Variants in CHID1 observed in about 807,000 individuals in gnomAD.
CHID1 encodes chitinase domain-containing protein 1.
In CHID1, 44 loss-of-function variants were observed where a neutral mutation model predicts 55.4. The ratio of observed to expected loss-of-function variants is 0.79; its 90% CI spans 0.62 to 1.02. CHID1 has a LOEUF of 1.02. CHID1 is among the 50% of genes least tolerant of loss of function. The pLI is 0.00. For missense variants in CHID1, 491 were observed against 515.3 expected (o/e 0.95, Z 0.46); for synonymous variants, 216 against 212.9 (o/e 1.01, Z -0.13).
chr11:886,462 C>T (rs1016338692), intron 8 of CHID1, among the ~76,000 whole-genome samples: 3 of 152,164 alleles, frequency 2.0e-5, no homozygotes, highest in Non-Finnish European at 2.9e-5. Flanking sequence ...ATTGATGAAT[C>T]GGTCTTGCTG....
chr11:899,425 G>T, intron 6 of CHID1, 24 bp from the exon 7 acceptor site: 1 of 1,579,780 alleles, frequency 6.3e-7, no homozygotes, highest in South Asian at 1.2e-5. Context: ...TCACAGGTGA[G>T]GAGGGCCTGG....
chr11:899,226 A>G, intron 7 of CHID1, 114 bp downstream of exon 7: 1 of 1,007,148 alleles, frequency 9.9e-7, no homozygotes, highest in Non-Finnish European at 1.5e-6. Flanking sequence ...TCCCCACCCC[A>G]GGCACAGGGA....
chr11:898,260 T>G (rs1851525524), intron 7 of CHID1, among the ~76,000 whole-genome samples: 1 of 151,800 alleles, frequency 6.6e-6, no homozygotes, highest in Non-Finnish European at 1.5e-5. Context: ...ACAGCAGCAA[T>G]GGGATGAAAG....
intron 2 of CHID1, 45 bp from the exon 3 acceptor site, chr11:903,156 A>C: frequency 1.3e-6 from 2 of 1,589,498 alleles, no homozygotes; most frequent in Non-Finnish European, 1.7e-6. Context: ...ATCTGTCCAC[A>C]GTGTAGAGCA....
chr11:887,864 T>A (rs941751337), intron 8 of CHID1, among the ~76,000 whole-genome samples: 1 of 152,180 alleles, frequency 6.6e-6, no homozygotes, highest in Admixed American at 6.5e-5. Context: ...CACCAGGCAC[T>A]CCTGGCAGAG....
intron 8 of CHID1, among the ~76,000 whole-genome samples, chr11:892,440 G>A (rs988657450): frequency 2.6e-5 from 4 of 152,210 alleles, no homozygotes; most frequent in Non-Finnish European, 4.4e-5. Flanking sequence ...TGCTGGGTAC[G>A]TGTGCAAGAA....
At chr11:910,962 CGGGGCG>C, upstream of CHID1, 1 of 351,808 alleles carries the variant, frequency 2.8e-6, no homozygotes, top group Non-Finnish European at 4.0e-6. Context: ...GGGCCGGGGC[CGGGGCG>C]GGGCCGCGCC....
At chr11:896,668 C>A (rs1357484486) in intron 7 of CHID1, among the ~76,000 whole-genome samples, 9 of 135,506 alleles carry the variant, frequency 6.6e-5, no homozygotes, top group Non-Finnish European at 1.4e-4. Context: ...GTCTCAGGGC[C>A]CCCAGCCTCC....
In CHID1 at chr11:881,838, C is replaced by CA. The variant is rs1244469409; in HGVS notation, c.959+1309dup. On this transcript the variant is annotated intron_variant, in intron 10 of 12. Coordinates refer to ENST00000323578, the MANE Select transcript of CHID1 (RefSeq NM_023947.4). ...ACAACATGGCAAAACCCTGTCTCTA[C>CA]AAAAAAAATACAAAAATTAGCGGGG... Among the ~76,000 whole-genome samples, 3 of 150,452 alleles carry CA rather than the reference C, an allele frequency of 2.0e-5. No individual in the cohort carries two copies. The East Asian group carries it at 5.9e-4, about 29-fold the overall frequency.
At chr11:895,228 G>C (rs1237052886) in intron 7 of CHID1, among the ~76,000 whole-genome samples, 1 of 152,192 alleles carries the variant, frequency 6.6e-6, no homozygotes, top group African/African-American at 2.4e-5. Flanking sequence ...GCTGTCTGCA[G>C]GTACCCACAG....
At chr11:898,463 T>G (rs28459369) in intron 7 of CHID1, among the ~76,000 whole-genome samples, 151,065 of 152,338 alleles carry the variant, frequency 0.99, 74,917 homozygotes, top group Middle Eastern at 1. Flanking sequence ...GACCGCACCA[T>G]CCTCGCTCGT....
intron 10 of CHID1, among the ~76,000 whole-genome samples, chr11:880,792 G>A (rs1196601867): frequency 6.6e-6 from 1 of 152,198 alleles, no homozygotes; most frequent in Non-Finnish European, 1.5e-5. Flanking sequence ...GACGACAGCC[G>A]AGGCCTCCAC....
upstream of CHID1, among the ~76,000 whole-genome samples, chr11:913,070 T>C (rs772355449): frequency 5.3e-5 from 8 of 152,022 alleles, no homozygotes; most frequent in Non-Finnish European, 8.8e-5. Context: ...TTAAGTTGTA[T>C]GAGTTTTTAG....
At chr11:883,995 GC>G in intron 9 of CHID1, 72 bp downstream of exon 9, 3 of 1,185,832 alleles carry the variant, frequency 2.5e-6, no homozygotes, top group Non-Finnish European at 3.8e-6. Context: ...GTGCCCAGGA[GC>G]CCCCCAGGTC....
chr11:906,380 A>G lies in CHID1; in HGVS notation c.-43-1521T>C, dbSNP rs187712560. Among the ~76,000 whole-genome samples the G allele has an allele frequency of 2.9e-4, 44 of 152,012 alleles. 1 individual carries two copies. Among genetic ancestry groups the G allele is most frequent in the African/African-American group, 1.0e-3 (42 of 41,440 alleles). On this transcript the variant is annotated intron_variant, in intron 1 of 12. Coordinates refer to ENST00000323578, the MANE Select transcript of CHID1 (RefSeq NM_023947.4). ...CAGCCTCCCGAGTAGCTGGGATTAT[A>G]GGCGCGTGCCACCACATCCGGCTAG...
At chr11:877,019 G>A (rs1049645360) in intron 10 of CHID1, among the ~76,000 whole-genome samples, 1 of 152,150 alleles carries the variant, frequency 6.6e-6, no homozygotes, top group African/African-American at 2.4e-5. Flanking sequence ...CATTAACAAG[G>A]GCACTTCGGG....
chr11:882,096 G>A (rs1849996953), intron 10 of CHID1, among the ~76,000 whole-genome samples: 1 of 152,158 alleles, frequency 6.6e-6, no homozygotes, highest in Non-Finnish European at 1.5e-5. Context: ...GGAGGCCAAG[G>A]TGGGCGGATC....
intron 10 of CHID1, among the ~76,000 whole-genome samples, chr11:876,808 G>A (rs1370488001): frequency 2.0e-5 from 3 of 152,194 alleles, no homozygotes; most frequent in African/African-American, 4.8e-5. Context: ...CATCTGTGCC[G>A]CTGCCCTGGC....
chr11:896,980 C>T (rs1296670674), intron 7 of CHID1, among the ~76,000 whole-genome samples: 3 of 128,614 alleles, frequency 2.3e-5, no homozygotes, highest in East Asian at 5.0e-4. Context: ...CTCAGCACCC[C>T]CAGCCTCCAT....
Sources: allele counts gnomAD v4.1 joint callset (sites outside exome capture counted in the v4.1 genomes callset), GRCh38; gene constraint gnomAD v4.1.1; transcripts MANE v1.5; gene names NCBI Gene and HGNC (gene_info 2026-07-23, HGNC 2026-07-21).